Variants in DOK5 observed in about 807,000 individuals in gnomAD.
The protein encoded by DOK5 is docking protein 5.
Under a neutral mutation model 43.3 loss-of-function variants are expected in DOK5, and 27 were observed. The observed-to-expected ratio is 0.62, with a 90% CI of 0.46 to 0.86. The LOEUF (loss-of-function observed/expected upper bound fraction) is 0.86. Ranked by LOEUF, DOK5 falls within the 40% of genes least tolerant of loss-of-function variation. DOK5 has a pLI of 0.00. For missense variants in DOK5, 373 were observed against 392.9 expected (o/e 0.95, Z 0.43); for synonymous variants, 146 against 140.1 (o/e 1.04, Z -0.30).
intron 6 of DOK5, among the ~76,000 whole-genome samples, chr20:54,612,326 T>G (rs1280409944): frequency 6.6e-6 from 1 of 152,160 alleles, no homozygotes; most frequent in Non-Finnish European, 1.5e-5. Context: ...TTGTGTATGA[T>G]TTCAGAGGTG....
intron 6 of DOK5, among the ~76,000 whole-genome samples, chr20:54,627,589 C>G (rs1378544667): frequency 8.5e-5 from 13 of 152,138 alleles, no homozygotes; most frequent in Admixed American, 8.5e-4. Flanking sequence ...GAGAGAGCCT[C>G]TAGGGTCTGA....
chr20:54,594,371 C>T (rs60578948), intron 5 of DOK5, among the ~76,000 whole-genome samples: 4,514 of 151,922 alleles, frequency 0.03, 209 homozygotes, highest in African/African-American at 0.1. Context: ...CAGCCTGGGG[C>T]GACAGAGTGG....
chr20:54,558,744 T>C (rs1306068173), intron 2 of DOK5, among the ~76,000 whole-genome samples: 1 of 152,176 alleles, frequency 6.6e-6, no homozygotes, highest in Admixed American at 6.5e-5. Context: ...ATCCCTCCCA[T>C]AGGAAATCTT....
intron 5 of DOK5, among the ~76,000 whole-genome samples, chr20:54,594,815 T>C (rs901246310): frequency 6.6e-6 from 1 of 152,230 alleles, no homozygotes; most frequent in African/African-American, 2.4e-5. Flanking sequence ...TGTTATCTTA[T>C]TAATTTTCCA....
chr20:54,548,053 C>T (rs1005031819), intron 1 of DOK5, among the ~76,000 whole-genome samples: 1 of 152,026 alleles, frequency 6.6e-6, no homozygotes, highest in Non-Finnish European at 1.5e-5. Flanking sequence ...GCCAGAGGTG[C>T]TACTAAACAT....
intron 2 of DOK5, among the ~76,000 whole-genome samples, chr20:54,578,348 G>T (rs13040605): frequency 2.0e-5 from 3 of 151,906 alleles, no homozygotes; most frequent in Non-Finnish European, 4.4e-5. Flanking sequence ...AGACACTTCC[G>T]GTCTTCTTTG....
intron 1 of DOK5, among the ~76,000 whole-genome samples, chr20:54,526,529 T>C (rs909722164): frequency 6.6e-6 from 1 of 152,190 alleles, no homozygotes; most frequent in Admixed American, 6.5e-5. Flanking sequence ...AAACTGAACT[T>C]TCTTGCTGCA....
intron 2 of DOK5, among the ~76,000 whole-genome samples, chr20:54,563,198 C>T (rs532965525): frequency 2.0e-5 from 3 of 152,274 alleles, no homozygotes; most frequent in Middle Eastern, 3.4e-3. Flanking sequence ...GGGCTCTGGC[C>T]TCCAGAACTG....
At position 54,650,462 on chromosome 20, in the gene DOK5, T is replaced by A; in HGVS notation, c.904T>A (p.Tyr302Asn). The A allele has an allele frequency of 6.2e-7, 1 of 1,614,068 alleles. No individual in the cohort carries two copies. The highest frequency in any genetic ancestry group is 8.5e-7 in the Non-Finnish European group (1 of 1,180,000). Residue 302 changes from tyrosine to asparagine, a missense_variant, in exon 8 of 8, where the codon TAC (tyrosine) becomes AAC (asparagine). Tyr to Asn is a moderately radical substitution (Grantham distance 143). Transcript: ENST00000262593. ...TCATCGAACAGAGACTTTTCCAGCCTACAGATCTGAGCACTGACAGTAACT... is the reference window on the plus strand; with the variant it reads ...TCATCGAACAGAGACTTTTCCAGCCAACAGATCTGAGCACTGACAGTAACT... ...KLHRTETFPA[Y>N]RSEH
At chr20:54,483,521 T>A (rs1981809914) in intron 1 of DOK5, among the ~76,000 whole-genome samples, 1 of 152,228 alleles carries the variant, frequency 6.6e-6, no homozygotes, top group African/African-American at 2.4e-5. Context: ...GAGGAATTAA[T>A]CTGAGTAACA....
intron 6 of DOK5, among the ~76,000 whole-genome samples, chr20:54,619,699 G>T (rs1986923951): frequency 6.6e-6 from 1 of 152,086 alleles, no homozygotes; most frequent in African/African-American, 2.4e-5. Flanking sequence ...TTAAAGGATT[G>T]ATTTACTTCC....
chr20:54,650,715 C>G lies in DOK5; in HGVS notation c.*236C>G, dbSNP rs1225134917. 2.5e-6 allele frequency: 1 copy of G among 394,578 alleles called. No individual in the cohort carries two copies. The highest frequency in any genetic ancestry group is 4.5e-6 in the Non-Finnish European group (1 of 222,220). 24.4% of individuals were successfully genotyped at this position (394,578 alleles called of 1,614,324 possible). ...TATAGATATTGACTCTGTGTTCCCT[C>G]TTTTACAGCTGGACAGAAAGAAGTC... On this transcript the variant is annotated 3_prime_UTR_variant, in exon 8 of 8. Coordinates refer to ENST00000262593, the MANE Select transcript of DOK5 (RefSeq NM_018431.5).
intron 6 of DOK5, among the ~76,000 whole-genome samples, chr20:54,640,747 A>G (rs1172044489): frequency 6.6e-6 from 1 of 152,238 alleles, no homozygotes; most frequent in Non-Finnish European, 1.5e-5. Flanking sequence ...TGAAGTGACT[A>G]GTATTCCACA....
intron 1 of DOK5, among the ~76,000 whole-genome samples, chr20:54,546,107 C>T (rs150043238): frequency 7.0e-4 from 107 of 152,280 alleles, no homozygotes; most frequent in African/African-American, 2.5e-3. Flanking sequence ...TTTCTCCTAG[C>T]TTTTGACCTT....
chr20:54,598,606 G>A (rs967181251), intron 5 of DOK5, among the ~76,000 whole-genome samples: 5 of 152,148 alleles, frequency 3.3e-5, no homozygotes, highest in Admixed American at 1.3e-4. Flanking sequence ...CCTGGGTTTC[G>A]CACCTGCAGG....
At chr20:54,569,064 A>G (rs1405522997) in intron 2 of DOK5, among the ~76,000 whole-genome samples, 2 of 151,240 alleles carry the variant, frequency 1.3e-5, no homozygotes, top group Middle Eastern at 3.3e-3. Context: ...TTTAATGTGC[A>G]TTTTTCAAAC....
intron 6 of DOK5, among the ~76,000 whole-genome samples, chr20:54,621,721 C>T (rs868129819): frequency 3.1e-4 from 47 of 151,666 alleles, no homozygotes; most frequent in African/African-American, 1.1e-3. Flanking sequence ...AAGATGATAA[C>T]GCCTTAACAT....
intron 6 of DOK5, among the ~76,000 whole-genome samples, chr20:54,628,252 C>T (rs1478313922): frequency 6.6e-6 from 1 of 151,008 alleles, no homozygotes; most frequent in African/African-American, 2.4e-5. Context: ...ACTAAAAATA[C>T]AAAAAAATTA....
Position 54,477,661 on chromosome 20 carries a change from A to C in DOK5, c.66+1649A>C, listed in dbSNP as rs77014885. 5.3e-5 allele frequency among the ~76,000 whole-genome samples: 8 copies of C among 151,570 alleles called. No homozygotes were observed. The East Asian group carries it at 5.8e-4, about 11-fold the overall frequency. On this transcript the variant is annotated intron_variant, in intron 1 of 7. Coordinates refer to ENST00000262593, the MANE Select transcript of DOK5 (RefSeq NM_018431.5). The stretch of plus-strand genomic sequence containing the variant: ...GGGAGTTAAGTTAAAAAAAAAAAAA[A>C]CCCAGCATTCTAATTTAGCTTTACT...
Sources: gnomAD v4.1 joint callset for allele counts (sites outside exome capture counted in the v4.1 genomes callset) on GRCh38, gnomAD v4.1.1 for gene constraint, MANE v1.5 for transcripts, NCBI Gene and HGNC (gene_info 2026-07-23, HGNC 2026-07-21) for gene names.